NEB: variants seen among roughly 807,000 people sequenced by gnomAD.
The protein encoded by NEB is nebulin.
In NEB, 512 loss-of-function variants were observed where a neutral mutation model predicts 952.2. The ratio of observed to expected loss-of-function variants is 0.54; its 90% CI spans 0.50 to 0.58. The LOEUF (loss-of-function observed/expected upper bound fraction) is 0.58, where lower values mean the gene tolerates loss of function less well. Ranked by LOEUF, NEB falls within the 20% of genes least tolerant of loss-of-function variation. The pLI is 0.00. For missense variants in NEB, 8,428 were observed against 9,231.1 expected (o/e 0.91, Z 3.56); for synonymous variants, 2,900 against 3,149.8 (o/e 0.92, Z 2.66).
chr2:151,704,627 G>A (rs1042745698), intron 13 of NEB, among the ~76,000 whole-genome samples: 16 of 152,154 alleles, frequency 1.1e-4, no homozygotes, highest in African/African-American at 3.9e-4. Flanking sequence ...GATTTTCCAG[G>A]TGCGTCCGTC....
chr2:151,618,454 A>G lies in NEB; in HGVS notation c.10897T>C (p.Trp3633Arg). 1.9e-6 allele frequency: 3 copies of G among 1,613,890 alleles called. No homozygotes were observed. Among genetic ancestry groups the G allele is most frequent in the Non-Finnish European group, 2.5e-6 (3 of 1,179,820 alleles). The change falls in exon 74 of 182, where the codon TGG becomes CGG. Residue 3633 changes from tryptophan to arginine, a missense_variant. Coordinates refer to ENST00000397345, the MANE Select transcript of NEB (RefSeq NM_001164508.2). Reference protein sequence around the residue: ...SDNLYKSDLEWMKGIGWVPID... With the variant: ...SDNLYKSDLERMKGIGWVPID... ...GGAACCCAGCCAATGCCTTTCATCCATTCAAGGTCTGACTTATACAAATTC... is the reference window on the plus strand; with the variant it reads ...GGAACCCAGCCAATGCCTTTCATCCGTTCAAGGTCTGACTTATACAAATTC...
intron 135 of NEB, 68 bp downstream of exon 135, chr2:151,545,820 C>G (rs1576971922): frequency 1.1e-5 from 10 of 934,676 alleles, no homozygotes; most frequent in South Asian, 3.2e-5. Context: ...GAACTAAGAG[C>G]CTTGTGGAGT....
intron 150 of NEB, 54 bp from the exon 151 acceptor site, chr2:151,525,327 G>T (rs895035382): frequency 9.1e-6 from 12 of 1,325,926 alleles, no homozygotes; most frequent in Non-Finnish European, 1.3e-5. Context: ...AACAGAGTTG[G>T]TTTACTTGAA....
At chr2:151,576,512 ATATATTTTTTTTTTTTTTTTT>A (rs1457444062) in intron 105 of NEB, among the ~76,000 whole-genome samples, 158 bp from the exon 106 acceptor site, 20 of 28,932 alleles carry the variant, frequency 6.9e-4, no homozygotes, top group Non-Finnish European at 1.1e-3. Flanking sequence ...ATATATATAT[ATATATTTTTTTTTTTTTTTTT>A]TTTTTTTTTT....
intron 156 of NEB, among the ~76,000 whole-genome samples, chr2:151,517,217 G>A (rs2078258751): frequency 6.6e-6 from 1 of 152,166 alleles, no homozygotes; most frequent in Non-Finnish European, 1.5e-5. Flanking sequence ...CATAACATGT[G>A]GTTAAGAATC....
intron 9 of NEB, among the ~76,000 whole-genome samples, chr2:151,721,292 C>A (rs902465772): frequency 4.9e-4 from 74 of 152,128 alleles, no homozygotes; most frequent in African/African-American, 1.5e-3. Flanking sequence ...TCTTATGATG[C>A]CTCTTATTTA....
intron 24 of NEB, chr2:151,690,090 C>T (rs1367202791): frequency 1.3e-5 from 2 of 153,426 alleles, no homozygotes; most frequent in African/African-American, 4.8e-5. Context: ...ATGGAGTCCC[C>T]TAGATCTACT....
intron 62 of NEB, 76 bp from the exon 63 acceptor site, chr2:151,639,460 ACTTT>A: frequency 9.3e-7 from 1 of 1,073,918 alleles, no homozygotes; most frequent in African/African-American, 1.6e-5. Flanking sequence ...GGCCACAAAA[ACTTT>A]ATAAAAAAAA....
chr2:151,501,384 C>G lies in NEB; in HGVS notation c.24021+7G>C. 2.6e-6 allele frequency: 4 copies of G among 1,534,488 alleles called. No homozygotes were observed. Among genetic ancestry groups the G allele is most frequent in the Non-Finnish European group, 3.5e-6 (4 of 1,132,128 alleles). ...AATATGGAGTTAAAGAGCTTTCTCC[C>G]AAATACCGAGCTAAAGTTTTCTTGA... is the stretch of plus-strand genomic sequence containing the variant. On this transcript the variant is annotated splice_region_variant and intron_variant, in intron 168 of 181. Coordinates refer to ENST00000397345, the MANE Select transcript of NEB (RefSeq NM_001164508.2).
chr2:151,726,894 T>C (rs906864415), intron 5 of NEB, among the ~76,000 whole-genome samples: 38 of 152,154 alleles, frequency 2.5e-4, no homozygotes, highest in Middle Eastern at 3.4e-3. Flanking sequence ...TACAATTTTT[T>C]TTTTAATTAG....
At chr2:151,492,942 C>T (rs1232918137) in intron 176 of NEB, 1 of 185,610 alleles carries the variant, frequency 5.4e-6, no homozygotes, top group Non-Finnish European at 1.1e-5. Context: ...ACACTAAAAC[C>T]CCAAAATATA....
intron 156 of NEB, among the ~76,000 whole-genome samples, 152 bp downstream of exon 156, chr2:151,518,165 AC>A (rs549676026): frequency 1.3e-5 from 2 of 152,242 alleles, no homozygotes; most frequent in Non-Finnish European, 2.9e-5. Flanking sequence ...GTAATTTATA[AC>A]ATAAGAATTT....
intron 135 of NEB, among the ~76,000 whole-genome samples, chr2:151,544,200 C>T (rs192716842): frequency 6.6e-6 from 1 of 152,198 alleles, no homozygotes; most frequent in Admixed American, 6.5e-5. Flanking sequence ...CACAACTTGC[C>T]CAAAATCCCT....
intron 40 of NEB, among the ~76,000 whole-genome samples, chr2:151,666,876 T>C (rs2099225475): frequency 6.6e-6 from 1 of 152,102 alleles, no homozygotes; most frequent in South Asian, 2.1e-4. Context: ...TATGCTTTTT[T>C]ATGACTATAT....
At chr2:151,722,418 C>T (rs2099777029) in intron 9 of NEB, among the ~76,000 whole-genome samples, 1 of 152,124 alleles carries the variant, frequency 6.6e-6, no homozygotes, top group Non-Finnish European at 1.5e-5. Flanking sequence ...TCTAGGATAC[C>T]AAAATTCCGG....
At chr2:151,640,991 A>G (rs1408871488) in intron 60 of NEB, among the ~76,000 whole-genome samples, 1 of 152,138 alleles carries the variant, frequency 6.6e-6, no homozygotes, top group Non-Finnish European at 1.5e-5. Context: ...TGCAATGACA[A>G]TGACAATAAA....
At chr2:151,717,628 A>G (rs1340532660) in intron 9 of NEB, 108 bp from the exon 10 acceptor site, 2 of 820,696 alleles carry the variant, frequency 2.4e-6, no homozygotes, top group Non-Finnish European at 4.0e-6. Flanking sequence ...TAGATGTTAC[A>G]TACCATTGCT....
In NEB at chr2:151,567,492, G is replaced by A. The variant is rs1365392588; in HGVS notation, c.17845-13C>T. On this transcript the variant is annotated splice_polypyrimidine_tract_variant and intron_variant, in intron 113 of 181. Transcript: ENST00000397345. ...CTTTGTATTTCAGCTGGCGAGAAGAGGAATATAAATTCCATCAGTTTTGAC... is the reference window on the plus strand; with the variant it reads ...CTTTGTATTTCAGCTGGCGAGAAGAAGAATATAAATTCCATCAGTTTTGAC... The A allele has an allele frequency of 6.3e-7, 1 of 1,589,004 alleles. No individual in the cohort carries two copies. The highest frequency in any genetic ancestry group is 1.1e-5 in the South Asian group (1 of 87,852).
chr2:151,692,305 T>C lies in NEB; in HGVS notation c.1954A>G (p.Thr652Ala), dbSNP rs752227497. 3 of 1,613,848 alleles carry C rather than the reference T, an allele frequency of 1.9e-6. No homozygotes were observed. Among genetic ancestry groups the C allele is most frequent in the Non-Finnish European group, 2.5e-6 (3 of 1,179,834 alleles). ...TGAGTATCAAGTTGATATTTTGGGG[T>C]CTCACAGTAATTCATACTCTTTGCC... The part of the protein sequence containing the change: ...TKAKSMNYCE[T>A]PKYQLDTQLK... Residue 652 changes from threonine to alanine, a missense_variant, in exon 21 of 182, where the codon ACC becomes GCC. Transcript: ENST00000397345.
Sources: gnomAD v4.1 joint callset for allele counts (sites outside exome capture counted in the v4.1 genomes callset) on GRCh38, gnomAD v4.1.1 for gene constraint, MANE v1.5 for transcripts, NCBI Gene and HGNC (gene_info 2026-07-23, HGNC 2026-07-21) for gene names.